FBXL2: variants seen among roughly 807,000 people sequenced by gnomAD.
The protein encoded by FBXL2 is F-box/LRR-repeat protein 2.
Under a neutral mutation model 69.2 loss-of-function variants are expected in FBXL2, and 38 were observed. The ratio of observed to expected loss-of-function variants is 0.55; its 90% CI spans 0.42 to 0.72. The LOEUF (loss-of-function observed/expected upper bound fraction) is 0.72. FBXL2 is among the 30% of genes least tolerant of loss of function. The pLI, the probability that FBXL2 is intolerant of heterozygous loss-of-function variation, is 0.00. For synonymous variants in FBXL2, 192 were observed against 201.3 expected (o/e 0.95, Z 0.39); for missense variants, 354 against 520.3 (o/e 0.68, Z 3.11).
In FBXL2 at chr3:33,308,118, T is replaced by C. The variant is rs138118196; in HGVS notation, c.65+10393T>C. Among the ~76,000 whole-genome samples, 44 of 152,248 alleles carry C rather than the reference T, an allele frequency of 2.9e-4. 2 individuals carry two copies. In the East Asian group the frequency reaches 7.5e-3, roughly 26 times the overall value. Reference sequence around the variant, plus strand: ...CTTGAACTCCTCAGCTCAAGCAATATTCCTGCCATTGCCTCCTCAGTAGCT... The same window carrying C: ...CTTGAACTCCTCAGCTCAAGCAATACTCCTGCCATTGCCTCCTCAGTAGCT... On this transcript the variant is annotated intron_variant, in intron 2 of 14. Transcript: ENST00000484457.
chr3:33,343,870 A>G (rs1252294918), intron 2 of FBXL2, among the ~76,000 whole-genome samples: 1 of 152,206 alleles, frequency 6.6e-6, no homozygotes, highest in East Asian at 1.9e-4. Context: ...CGGATAGTCT[A>G]TTACTTTTGT....
intron 2 of FBXL2, among the ~76,000 whole-genome samples, chr3:33,336,918 AC>A (rs1332396336): frequency 6.7e-6 from 1 of 149,084 alleles, no homozygotes; most frequent in African/African-American, 2.5e-5. Flanking sequence ...CAAACAAACA[AC>A]CTTGGCCTGG....
intron 1 of FBXL2, among the ~76,000 whole-genome samples, chr3:33,286,881 T>C (rs373021997): frequency 6.6e-6 from 1 of 152,134 alleles, no homozygotes; most frequent in African/African-American, 2.4e-5. Context: ...GCTAAGACCA[T>C]TGGAAAAGCG....
At chr3:33,293,906 C>T (rs1216421362) in intron 1 of FBXL2, among the ~76,000 whole-genome samples, 2 of 152,182 alleles carry the variant, frequency 1.3e-5, no homozygotes, top group African/African-American at 4.8e-5. Flanking sequence ...TTAACCCAAT[C>T]ACACCAGAAT....
intron 13 of FBXL2, among the ~76,000 whole-genome samples, chr3:33,380,737 A>T (rs1316472697): frequency 6.6e-6 from 1 of 151,998 alleles, no homozygotes; most frequent in Non-Finnish European, 1.5e-5. Flanking sequence ...ACACACATCC[A>T]CACCACATCC....
intron 2 of FBXL2, among the ~76,000 whole-genome samples, chr3:33,343,841 C>G (rs944699938): frequency 6.6e-6 from 1 of 151,992 alleles, no homozygotes; most frequent in Non-Finnish European, 1.5e-5. Context: ...TACTCTTGCC[C>G]TTGGGCCTGC....
intron 1 of FBXL2, among the ~76,000 whole-genome samples, chr3:33,290,191 C>T (rs1262570636): frequency 6.6e-6 from 1 of 152,086 alleles, no homozygotes; most frequent in Non-Finnish European, 1.5e-5. Context: ...TTTAGCTTCT[C>T]CTGAAGGTAA....
downstream of FBXL2, among the ~76,000 whole-genome samples, chr3:33,407,390 A>G (rs1260790184): frequency 3.3e-5 from 5 of 152,218 alleles, no homozygotes; most frequent in Admixed American, 6.5e-5. Flanking sequence ...CAGGAGAGGA[A>G]AAGTGAGTTG....
rs1351916904 is a variant in FBXL2, at chr3:33,378,851, T to C, written c.951+110T>C. 1.9e-6 allele frequency: 3 copies of C among 1,580,242 alleles called. No homozygotes were observed. The South Asian group carries it at 3.5e-5, about 18-fold the overall frequency. On this transcript the variant is annotated intron_variant, in intron 13 of 14. Transcript: ENST00000484457. ...TTCTGTAAGGTATCATCTCTCTTGA[T>C]TTCAAAAATCTATTAATTGGGCTAA...
chr3:33,401,039 G>A lies in FBXL2; in HGVS notation n.1215-2195G>A, dbSNP rs770087396. 1.9e-6 allele frequency: 3 copies of A among 1,578,876 alleles called. No individual in the cohort carries two copies. In the South Asian group the frequency reaches 3.5e-5, roughly 19 times the overall value. On this transcript the variant is annotated intron_variant and non_coding_transcript_variant, in intron 12 of 12. Coordinates refer to the FBXL2 transcript ENST00000463736. ...TTGCTGGGGAGAAAGGAGAAAGAAG[G>A]AAATGATGATTTTTATAATACATAT...
intron 3 of FBXL2, 109 bp from the exon 4 acceptor site, chr3:33,359,174 A>G: frequency 9.8e-7 from 1 of 1,022,820 alleles, no homozygotes. Context: ...CTTAATATAC[A>G]TCAAAAATAG....
At position 33,333,986 on chromosome 3, in the gene FBXL2, G is replaced by T. The variant is rs142377111; in HGVS notation, c.66-24981G>T. Among the ~76,000 whole-genome samples the T allele has an allele frequency of 8.8e-4, 134 of 152,138 alleles. 1 individual carries two copies. The East Asian group carries it at 0.025, about 29-fold the overall frequency. Reference sequence around the variant, plus strand: ...TGAGCCAAACACAGCTGATCTAAGTGTACTTTTAGCTGTGACCCAGCTCCA... The same window carrying T: ...TGAGCCAAACACAGCTGATCTAAGTTTACTTTTAGCTGTGACCCAGCTCCA... On this transcript the variant is annotated intron_variant, in intron 2 of 14. Coordinates refer to ENST00000484457, the MANE Select transcript of FBXL2 (RefSeq NM_012157.5).
At chr3:33,332,262 C>G (rs948409078) in intron 2 of FBXL2, among the ~76,000 whole-genome samples, 5 of 152,072 alleles carry the variant, frequency 3.3e-5, no homozygotes, top group Admixed American at 6.5e-5. Context: ...TTTCCATGTG[C>G]CAATGGAAAT....
Position 33,385,735 on chromosome 3 carries a change from G to T in FBXL2, c.*127G>T. On this transcript the variant is annotated 3_prime_UTR_variant, in exon 15 of 15. Transcript: ENST00000484457. ...TTGGGAAAGGCATTTACAGGTAAAA[G>T]ACTTCTGTATGGATTGCAGTTACTC... 1 of 729,752 alleles carries T rather than the reference G, an allele frequency of 1.4e-6. No individual in the cohort carries two copies. Among genetic ancestry groups the T allele is most frequent in the South Asian group, 1.7e-5 (1 of 59,078 alleles). 45.2% of individuals were successfully genotyped at this position (729,752 alleles called of 1,614,324 possible). A position where few individuals can be genotyped will look rare whatever the true frequency, so the allele number is the denominator to read the frequency against.
intron 2 of FBXL2, among the ~76,000 whole-genome samples, chr3:33,330,576 C>A (rs904213498): frequency 7.2e-5 from 11 of 151,938 alleles, no homozygotes; most frequent in African/African-American, 2.7e-4. Flanking sequence ...GATCTTTACA[C>A]GTTATATGAA....
chr3:33,344,263 C>T (rs1298354093), intron 2 of FBXL2, among the ~76,000 whole-genome samples: 1 of 151,870 alleles, frequency 6.6e-6, no homozygotes, highest in African/African-American at 2.4e-5. Context: ...AGACTCAACA[C>T]TGTAAAAATG....
At chr3:33,400,303 C>A (rs747535331) in intron 12 of FBXL2, 1 of 1,567,572 alleles carries the variant, frequency 6.4e-7, no homozygotes, top group Admixed American at 1.9e-5. Flanking sequence ...TGAAAATGAA[C>A]ATAAATAAAA....
intron 2 of FBXL2, among the ~76,000 whole-genome samples, chr3:33,343,475 A>G (rs928157624): frequency 1.3e-5 from 2 of 152,090 alleles, no homozygotes; most frequent in Admixed American, 6.5e-5. Flanking sequence ...ATTTGGCATT[A>G]ATAATAATGG....
intron 1 of FBXL2, among the ~76,000 whole-genome samples, chr3:33,281,575 G>A (rs1391417350): frequency 6.6e-6 from 1 of 152,120 alleles, no homozygotes; most frequent in Non-Finnish European, 1.5e-5. Context: ...TGGAATTGCT[G>A]GGTCAAATGG....
Sources: allele counts gnomAD v4.1 joint callset (sites outside exome capture counted in the v4.1 genomes callset), GRCh38; gene constraint gnomAD v4.1.1; transcripts MANE v1.5; gene names NCBI Gene and HGNC (gene_info 2026-07-23, HGNC 2026-07-21).